Variants in COL19A1 observed in about 807,000 individuals in gnomAD.
The protein encoded by COL19A1 is collagen alpha-1(XIX) chain.
A neutral mutation model predicts 190.2 loss-of-function variants in COL19A1; 159 were observed. The observed-to-expected ratio is 0.84, with a 90% CI of 0.73 to 0.95. The LOEUF is 0.95. COL19A1 is among the 40% of genes least tolerant of loss of function. The pLI is 0.00. For missense variants in COL19A1, 1,418 were observed against 1,431.9 expected (o/e 0.99, Z 0.16); for synonymous variants, 509 against 458.9 (o/e 1.11, Z -1.39).
At chr6:70,008,116 T>A (rs947833205) in intron 11 of COL19A1, among the ~76,000 whole-genome samples, 2 of 151,642 alleles carry the variant, frequency 1.3e-5, no homozygotes, top group African/African-American at 4.8e-5. Flanking sequence ...AGTATCCACC[T>A]CCAAGAATAT....
chr6:69,919,139 G>C (rs960306873), intron 4 of COL19A1, among the ~76,000 whole-genome samples: 1 of 152,162 alleles, frequency 6.6e-6, no homozygotes, highest in Non-Finnish European at 1.5e-5. Context: ...ACTCAGGAGA[G>C]CTTCCTTCTC....
rs1195246084 is a variant in COL19A1, at chr6:70,207,190, C to A, written c.3345C>A (p.Gly1115=). ...PGSPGAPGPQ[G]PPGPSGRCNP... is the part of the protein sequence containing the mutation. ...CACCAGGTGCCCCAGGCCCACAGGG[C>A]CCCCCAGGACCCAGTGGAAGATGTA... The change falls in exon 51 of 51, where the codon GGC becomes GGA. Residue 1115 remains glycine (G), a synonymous_variant. Coordinates refer to ENST00000620364, the MANE Select transcript of COL19A1 (RefSeq NM_001858.6). The A allele has an allele frequency of 3.1e-6, 5 of 1,610,974 alleles. No individual in the cohort carries two copies. The South Asian group carries it at 3.3e-5, about 11-fold the overall frequency.
chr6:70,087,594 C>G (rs1276733419), intron 15 of COL19A1, among the ~76,000 whole-genome samples: 2 of 152,108 alleles, frequency 1.3e-5, no homozygotes, highest in Non-Finnish European at 2.9e-5. Flanking sequence ...AGTAAGGGCC[C>G]TCATTTGTCT....
At chr6:70,081,890 T>C (rs1782281396) in intron 15 of COL19A1, among the ~76,000 whole-genome samples, 1 of 152,174 alleles carries the variant, frequency 6.6e-6, no homozygotes, top group Non-Finnish European at 1.5e-5. Flanking sequence ...TTAAATAATG[T>C]CAATATTTCT....
intron 4 of COL19A1, among the ~76,000 whole-genome samples, chr6:69,903,135 G>A: frequency 6.6e-6 from 1 of 152,242 alleles, no homozygotes; most frequent in South Asian, 2.1e-4. Context: ...TCACCTCTTT[G>A]GTGATCACTA....
chr6:69,934,003 C>G (rs1772948526), intron 7 of COL19A1, among the ~76,000 whole-genome samples: 1 of 151,926 alleles, frequency 6.6e-6, no homozygotes, highest in African/African-American at 2.4e-5. Context: ...TCTATACTTG[C>G]CATAGAAAAT....
chr6:70,105,498 T>G (rs1046431802), intron 16 of COL19A1, among the ~76,000 whole-genome samples: 1 of 152,200 alleles, frequency 6.6e-6, no homozygotes, highest in African/African-American at 2.4e-5. Flanking sequence ...ACTTGTTATC[T>G]CTTAGGATTT....
chr6:70,019,588 T>G (rs1230150402), intron 11 of COL19A1, among the ~76,000 whole-genome samples: 1 of 152,148 alleles, frequency 6.6e-6, no homozygotes, highest in African/African-American at 2.4e-5. Context: ...TATCATAGAA[T>G]GGCTATTGGG....
chr6:69,997,616 A>G (rs973058832), intron 11 of COL19A1, among the ~76,000 whole-genome samples: 1 of 152,162 alleles, frequency 6.6e-6, no homozygotes, highest in Non-Finnish European at 1.5e-5. Flanking sequence ...TACTAGCTAG[A>G]CTCACAGTAG....
chr6:69,967,923 G>A (rs774021189), intron 11 of COL19A1, among the ~76,000 whole-genome samples: 15 of 140,266 alleles, frequency 1.1e-4, no homozygotes, highest in Non-Finnish European at 1.9e-4. Context: ...ATAACGTAGC[G>A]TAAAGTACAC....
Position 70,059,177 on chromosome 6 carries a change from A to G in COL19A1, c.1171-9246A>G, listed in dbSNP as rs576477205. ...AGTCTATGAAGCATATTCTAAAGCA[A>G]TAATCATAACACTTAAAATACACTT... On this transcript the variant is annotated intron_variant, in intron 14 of 50. Transcript: ENST00000620364. 3.3e-5 allele frequency among the ~76,000 whole-genome samples: 5 copies of G among 152,290 alleles called. No individual in the cohort carries two copies. In the East Asian group the frequency reaches 9.6e-4, roughly 29 times the overall value.
At chr6:70,021,078 C>G (rs375419032) in intron 11 of COL19A1, among the ~76,000 whole-genome samples, 9 of 152,106 alleles carry the variant, frequency 5.9e-5, no homozygotes, top group African/African-American at 2.2e-4. Context: ...ATTGAATGAG[C>G]GTTTTATAAA....
At chr6:70,172,108 G>A in intron 41 of COL19A1, 91 bp downstream of exon 41, 1 of 1,172,158 alleles carries the variant, frequency 8.5e-7, no homozygotes. Flanking sequence ...TTTAGGTTAG[G>A]GATATATAAA....
chr6:70,158,418 A>C (rs2150255284), intron 34 of COL19A1, among the ~76,000 whole-genome samples: 1 of 152,256 alleles, frequency 6.6e-6, no homozygotes, highest in East Asian at 1.9e-4. Flanking sequence ...CTAAGTGGAA[A>C]AGATACAGAG....
intron 11 of COL19A1, among the ~76,000 whole-genome samples, chr6:69,975,188 T>C (rs1327215122): frequency 6.6e-6 from 1 of 152,208 alleles, no homozygotes; most frequent in Non-Finnish European, 1.5e-5. Context: ...ATCTCAGTTT[T>C]GAGCAAGTGT....
At chr6:70,022,617 A>G (rs1778476841) in intron 11 of COL19A1, among the ~76,000 whole-genome samples, 1 of 152,218 alleles carries the variant, frequency 6.6e-6, no homozygotes, top group Admixed American at 6.5e-5. Context: ...CACTATGAGT[A>G]TGTATCATCC....
intron 2 of COL19A1, among the ~76,000 whole-genome samples, chr6:69,887,621 G>A (rs974427916): frequency 2.0e-5 from 3 of 152,160 alleles, no homozygotes; most frequent in African/African-American, 4.8e-5. Flanking sequence ...CTAGAATTTC[G>A]TATAAATGGA....
intron 48 of COL19A1, among the ~76,000 whole-genome samples, chr6:70,191,175 A>T (rs1238807434): frequency 1.3e-5 from 2 of 152,160 alleles, no homozygotes; most frequent in Non-Finnish European, 2.9e-5. Context: ...TCATCCTAAG[A>T]TGTATTGCTT....
At chr6:70,052,635 A>G (rs1043050373) in intron 14 of COL19A1, among the ~76,000 whole-genome samples, 5 of 152,118 alleles carry the variant, frequency 3.3e-5, no homozygotes, top group African/African-American at 1.2e-4. Context: ...TTAGTTTCCT[A>G]TATAATCTAT....
Sources: gnomAD v4.1 joint callset for allele counts (sites outside exome capture counted in the v4.1 genomes callset) on GRCh38, gnomAD v4.1.1 for gene constraint, MANE v1.5 for transcripts, NCBI Gene and HGNC (gene_info 2026-07-23, HGNC 2026-07-21) for gene names.